The following NKAIN2 variants were observed in gnomAD, a reference collection of about 807,000 sequenced individuals.
NKAIN2 encodes sodium/potassium transporting ATPase interacting 2, also known as sodium/potassium-transporting ATPase subunit beta-1-interacting protein 2.
A neutral mutation model predicts 32.6 loss-of-function variants in NKAIN2; 14 were observed. The observed-to-expected ratio is 0.43, with a 90% CI of 0.28 to 0.67. The LOEUF (loss-of-function observed/expected upper bound fraction) is 0.67, where lower values mean the gene tolerates loss of function less well. Among genes scored for constraint, NKAIN2 ranks in the 30% least tolerant of loss-of-function variants. The probability of loss-of-function intolerance (pLI) is 0.17; values close to 1 mark genes in which losing one functional copy is unlikely to be tolerated. For synonymous variants in NKAIN2, 80 were observed against 87.2 expected, an observed-to-expected ratio of 0.92 and a Z score of 0.46; for missense variants, 198 against 258.3, an observed-to-expected ratio of 0.77 and a Z score of 1.60.
chr6:124,325,324 T>C (rs923676780), intron 2 of NKAIN2, among the ~76,000 whole-genome samples: 1 of 152,016 alleles, frequency 6.6e-6, no homozygotes, highest in South Asian at 2.1e-4. Context: ...ATGGTTCAAA[T>C]ACTATGGAAA....
intron 6 of NKAIN2, 104 bp from the exon 7 acceptor site, chr6:124,823,116 T>G: frequency 1.2e-6 from 1 of 832,514 alleles, no homozygotes; most frequent in East Asian, 2.4e-5. Context: ...CTTTTTTGTT[T>G]GTTTGTTTGT....
chr6:124,363,146 T>C (rs1399012617), intron 3 of NKAIN2, among the ~76,000 whole-genome samples: 8 of 152,146 alleles, frequency 5.3e-5, no homozygotes, highest in Non-Finnish European at 1.2e-4. Flanking sequence ...GAATTTTTTA[T>C]GTGGACTACT....
Position 123,839,421 on chromosome 6 carries a change from A to G in NKAIN2, c.54+35167A>G, listed in dbSNP as rs1774772181. Among the ~76,000 whole-genome samples, 3 of 152,138 alleles carry G rather than the reference A, an allele frequency of 2.0e-5. No individual in the cohort carries two copies. The South Asian group carries it at 6.2e-4, about 31-fold the overall frequency. On this transcript the variant is annotated intron_variant, in intron 1 of 6. Coordinates refer to ENST00000368417, the MANE Select transcript of NKAIN2 (RefSeq NM_001040214.3). Reference sequence around the variant, plus strand: ...AATGTGATTAGCAGACAATCTTTAGATGCTTAAGTGTGTCTATAAAGAATA... The same window carrying G: ...AATGTGATTAGCAGACAATCTTTAGGTGCTTAAGTGTGTCTATAAAGAATA...
intron 1 of NKAIN2, among the ~76,000 whole-genome samples, chr6:123,982,013 A>G (rs1778922741): frequency 6.6e-6 from 1 of 152,200 alleles, no homozygotes; most frequent in African/African-American, 2.4e-5. Flanking sequence ...TAATCTTTTT[A>G]TAAGCTTGAA....
intron 3 of NKAIN2, among the ~76,000 whole-genome samples, chr6:124,399,761 T>G (rs1320015130): frequency 1.3e-5 from 2 of 152,150 alleles, no homozygotes; most frequent in Non-Finnish European, 2.9e-5. Flanking sequence ...TAGGTACAAT[T>G]AATGGTTTCC....
At chr6:123,921,308 A>G (rs1417254987) in intron 1 of NKAIN2, among the ~76,000 whole-genome samples, 1 of 152,210 alleles carries the variant, frequency 6.6e-6, no homozygotes, top group Non-Finnish European at 1.5e-5. Flanking sequence ...TTTATAAACT[A>G]TATGTTAAAG....
rs759029063 is a variant in NKAIN2 at position 124,823,882 on chromosome 6, G to C, written c.*653G>C. 2.0e-5 allele frequency: 3 copies of C among 152,400 alleles called. No homozygotes were observed. Among genetic ancestry groups the C allele is most frequent in the South Asian group, 2.1e-4 (1 of 4,828 alleles). The allele number at this position is 152,400 out of a possible 1,614,324, so 9.4% of individuals were successfully genotyped here. On this transcript the variant is annotated 3_prime_UTR_variant, in exon 7 of 7. Transcript: ENST00000368417. ...ACACACTGCTATTAATTCTAAATGA[G>C]TTCAAGCCTGTGTGTTTCATGTCAA... is the stretch of plus-strand genomic sequence containing the variant.
At chr6:124,600,747 A>G (rs1782274052) in intron 3 of NKAIN2, among the ~76,000 whole-genome samples, 1 of 152,110 alleles carries the variant, frequency 6.6e-6, no homozygotes, top group Non-Finnish European at 1.5e-5. Flanking sequence ...AGTCAGTTAT[A>G]GTTTTTTTGG....
intron 6 of NKAIN2, among the ~76,000 whole-genome samples, chr6:124,820,897 G>A (rs1781365137): frequency 6.6e-6 from 1 of 152,142 alleles, no homozygotes; most frequent in Non-Finnish European, 1.5e-5. Flanking sequence ...CCTGGTCTAT[G>A]GGAAAATTGT....
At chr6:124,356,273 T>G (rs976487034) in intron 3 of NKAIN2, among the ~76,000 whole-genome samples, 1 of 152,128 alleles carries the variant, frequency 6.6e-6, no homozygotes, top group East Asian at 1.9e-4. Context: ...TCAAGCTATA[T>G]ATTTTGGAAG....
At position 123,957,344 on chromosome 6, in the gene NKAIN2, A is replaced by G. The variant is rs184861164; in HGVS notation, c.54+153090A>G. 1.7e-3 allele frequency among the ~76,000 whole-genome samples: 263 copies of G among 152,314 alleles called. 1 individual carries two copies. The highest frequency in any genetic ancestry group is 6.2e-3 in the African/African-American group (258 of 41,576). ...TTTCAAAAATGGTCACACTAAAGTG[A>G]CTTCCTTAGCAGATGTCTGGGTCTT... is the stretch of plus-strand genomic sequence containing the variant. On this transcript the variant is annotated intron_variant, in intron 1 of 6. Transcript: ENST00000368417.
At chr6:123,994,669 T>G (rs779680534) in intron 1 of NKAIN2, among the ~76,000 whole-genome samples, 2 of 152,184 alleles carry the variant, frequency 1.3e-5, no homozygotes, top group Non-Finnish European at 2.9e-5. Context: ...GGCTTTCCTC[T>G]TCCTCATAGT....
chr6:124,170,111 G>T (rs1788771068), intron 1 of NKAIN2, among the ~76,000 whole-genome samples: 1 of 152,086 alleles, frequency 6.6e-6, no homozygotes, highest in Non-Finnish European at 1.5e-5. Context: ...CTCTATTCCT[G>T]TAAATCCTCA....
chr6:124,149,963 C>A (rs148268729), intron 1 of NKAIN2, among the ~76,000 whole-genome samples: 1 of 152,200 alleles, frequency 6.6e-6, no homozygotes, highest in East Asian at 1.9e-4. Context: ...GTTCCCCTTT[C>A]GGTGAAGGTC....
In NKAIN2 at chr6:124,516,516, A is replaced by T. The variant is rs572365831; in HGVS notation, c.274-141670A>T. 5.3e-5 allele frequency among the ~76,000 whole-genome samples: 8 copies of T among 152,212 alleles called. No individual in the cohort carries two copies. In the South Asian group the frequency reaches 1.7e-3, roughly 32 times the overall value. On this transcript the variant is annotated intron_variant, in intron 3 of 6. Coordinates refer to ENST00000368417, the MANE Select transcript of NKAIN2 (RefSeq NM_001040214.3). The stretch of plus-strand genomic sequence containing the variant: ...AATTAATTTCTTCCTTAGGATATTC[A>T]TGTTTGTTCATGAAGATTGTAAAAT...
intron 2 of NKAIN2, among the ~76,000 whole-genome samples, chr6:124,342,812 G>GTTT (rs1184321474): frequency 1.4e-4 from 12 of 86,392 alleles, no homozygotes; most frequent in African/African-American, 4.6e-4. Flanking sequence ...CCCAGAAGAT[G>GTTT]TTTTATTATT....
rs1312408133 is a variant in NKAIN2 at position 123,871,022 on chromosome 6, T to C, written c.54+66768T>C. Among the ~76,000 whole-genome samples the C allele has an allele frequency of 2.6e-5, 4 of 152,236 alleles. No individual in the cohort carries two copies. The East Asian group carries it at 7.7e-4, about 29-fold the overall frequency. On this transcript the variant is annotated intron_variant, in intron 1 of 6. Transcript: ENST00000368417. The stretch of plus-strand genomic sequence containing the variant: ...ATATACTTCAGTGGCATGCTTACAT[T>C]GCTGATTCTTGATTTTTTCAATTTT...
intron 1 of NKAIN2, among the ~76,000 whole-genome samples, chr6:124,066,677 A>C (rs895147922): frequency 6.6e-6 from 1 of 152,184 alleles, no homozygotes; most frequent in African/African-American, 2.4e-5. Context: ...TAAAATTATA[A>C]CATATGATTC....
Position 123,850,715 on chromosome 6 carries a change from C to T in NKAIN2, c.54+46461C>T, listed in dbSNP as rs144428446. Among the ~76,000 whole-genome samples the T allele has an allele frequency of 1.1e-4, 16 of 152,280 alleles. No individual in the cohort carries two copies. The East Asian group carries it at 2.5e-3, about 24-fold the overall frequency. On this transcript the variant is annotated intron_variant, in intron 1 of 6. Coordinates refer to ENST00000368417, the MANE Select transcript of NKAIN2 (RefSeq NM_001040214.3). ...GCGAATGAACGTATGCATTACTTCA[C>T]ACGCTTATTTTTTTGTGGTGGGAAC...
Sources: allele counts gnomAD v4.1 joint callset (sites outside exome capture counted in the v4.1 genomes callset), GRCh38; gene constraint gnomAD v4.1.1; transcripts MANE v1.5; gene names NCBI Gene and HGNC (gene_info 2026-07-23, HGNC 2026-07-21).